The following SEMA7A variants were observed in gnomAD, a reference collection of about 807,000 sequenced individuals.
SEMA7A encodes semaphorin 7A (JohnMiltonHagen blood group), also known as semaphorin-7A.
In SEMA7A, 21 loss-of-function variants were observed where a neutral mutation model predicts 67.5. The observed-to-expected ratio is 0.31, with a 90% CI of 0.22 to 0.45. The LOEUF (loss-of-function observed/expected upper bound fraction) is 0.45. Ranked by LOEUF, SEMA7A falls within the 20% of genes least tolerant of loss-of-function variation. The pLI, the probability that SEMA7A is intolerant of heterozygous loss-of-function variation, is 1.00. For missense variants in SEMA7A, 774 were observed against 908.6 expected (o/e 0.85, Z 1.90); for synonymous variants, 364 against 368.5 (o/e 0.99, Z 0.14).
Position 74,414,210 on chromosome 15 carries a change from C to G in SEMA7A, c.1294+337G>C, listed in dbSNP as rs2060925827. Among the ~76,000 whole-genome samples, 1 of 152,318 alleles carries G rather than the reference C, an allele frequency of 6.6e-6. No homozygotes were observed. Among genetic ancestry groups the G allele is most frequent in the South Asian group, 2.1e-4 (1 of 4,830 alleles). Reference sequence around the variant, plus strand: ...AGTATCCCTGTGGTTCAGGCCCCTCCTCCTCATTTGCCACGTCTCTTCCTA... The same window carrying G: ...AGTATCCCTGTGGTTCAGGCCCCTCGTCCTCATTTGCCACGTCTCTTCCTA... On this transcript the variant is annotated intron_variant, in intron 10 of 13. Coordinates refer to ENST00000261918, the MANE Select transcript of SEMA7A (RefSeq NM_003612.5). This position sits in a 1 kb window ranked among gnomAD's most constrained non-coding sequence, Gnocchi z 4.1.
chr15:74,417,618 C>T lies in SEMA7A; in HGVS notation c.523G>A (p.Asp175Asn). ...TCAAACAGAACCAGGGAGTTCTCGTCCGGGCTGAAGGGGGCGTAGCCTCTC... is the reference window on the plus strand; with the variant it reads ...TCAAACAGAACCAGGGAGTTCTCGTTCGGGCTGAAGGGGGCGTAGCCTCTC... ...EMRGYAPFSP[D>N]ENSLVLFEGD... The change falls in exon 5 of 14, where the codon GAC (aspartate) becomes AAC (asparagine). Residue 175 changes from aspartate (D) to asparagine (N), a missense_variant. Coordinates refer to ENST00000261918, the MANE Select transcript of SEMA7A (RefSeq NM_003612.5). 6.2e-7 allele frequency: 1 copy of T among 1,612,914 alleles called. No individual in the cohort carries two copies. Among genetic ancestry groups the T allele is most frequent in the Non-Finnish European group, 8.5e-7 (1 of 1,179,936 alleles).
chr15:74,418,995 G>C lies in SEMA7A; in HGVS notation c.179-43C>G, dbSNP rs371090563. The C allele has an allele frequency of 1.6e-5, 25 of 1,595,992 alleles. No homozygotes were observed. In the African/African-American group the frequency reaches 3.2e-4, roughly 21 times the overall value. On this transcript the variant is annotated intron_variant, in intron 1 of 13. Coordinates refer to ENST00000261918, the MANE Select transcript of SEMA7A (RefSeq NM_003612.5). ...AGTAGAAACATTGAAGCCAGGTCCC[G>C]AGAGAGAAGACTCTGGGTCCCCTCC...
intron 3 of SEMA7A, 45 bp downstream of exon 3, chr15:74,418,223 T>C: frequency 6.3e-7 from 1 of 1,591,150 alleles, no homozygotes. Context: ...CTCCTCTCCC[T>C]TTACCAAGTG....
intron 1 of SEMA7A, among the ~76,000 whole-genome samples, chr15:74,426,051 T>C (rs2061041252): frequency 6.6e-6 from 1 of 152,174 alleles, no homozygotes; most frequent in Admixed American, 6.5e-5. Context: ...GGTGGGCAGA[T>C]CATTTGAGGT....
At chr15:74,418,760 T>C in intron 2 of SEMA7A, 41 bp downstream of exon 2, 2 of 1,598,778 alleles carry the variant, frequency 1.3e-6, no homozygotes, top group Admixed American at 1.7e-5. Flanking sequence ...AGAGGGGAGA[T>C]AAGAGGGTAG....
rs908699776 is a variant in SEMA7A at position 74,414,257 on chromosome 15, A to C, written c.1294+290T>G. 1.3e-5 allele frequency among the ~76,000 whole-genome samples: 2 copies of C among 152,124 alleles called. No individual in the cohort carries two copies. The highest frequency in any genetic ancestry group is 4.8e-5 in the African/African-American group (2 of 41,410). ...CCTACCATCTTCTTCCCTGAGTCAGACATCTGGACCAAAGGTGCACCTGGC... is the reference window on the plus strand; with the variant it reads ...CCTACCATCTTCTTCCCTGAGTCAGCCATCTGGACCAAAGGTGCACCTGGC... On this transcript the variant is annotated intron_variant, in intron 10 of 13. Transcript: ENST00000261918. The surrounding 1 kb of genome is among the most constrained non-coding windows in gnomAD (Gnocchi z 4.1).
chr15:74,430,910 G>A (rs904435045), intron 1 of SEMA7A, among the ~76,000 whole-genome samples: 4 of 152,172 alleles, frequency 2.6e-5, no homozygotes, highest in African/African-American at 4.8e-5. Flanking sequence ...ATAACATCCC[G>A]TTGTTTCACT....
chr15:74,420,861 C>G (rs545224495), intron 1 of SEMA7A, among the ~76,000 whole-genome samples: 3 of 152,196 alleles, frequency 2.0e-5, no homozygotes, highest in Non-Finnish European at 4.4e-5. Flanking sequence ...GGAAAAGGTG[C>G]GTGTCTGCAT....
In SEMA7A at chr15:74,417,615, C is replaced by A; in HGVS notation, c.526G>T (p.Glu176Ter). Residue 176 changes from glutamate to a stop codon, truncating the protein, a stop_gained, in exon 5 of 14, where the codon GAG becomes TAG. Coordinates refer to ENST00000261918, the MANE Select transcript of SEMA7A (RefSeq NM_003612.5). LOFTEE classifies it high-confidence loss of function. Reference protein sequence around the residue: ...MRGYAPFSPDENSLVLFEGDE... With the variant: ...MRGYAPFSPD ...CCTTCAAACAGAACCAGGGAGTTCT[C>A]GTCCGGGCTGAAGGGGGCGTAGCCT... is the stretch of plus-strand genomic sequence containing the variant. 2 of 1,612,872 alleles carry A rather than the reference C, an allele frequency of 1.2e-6. No individual in the cohort carries two copies. The highest frequency in any genetic ancestry group is 1.7e-6 in the Non-Finnish European group (2 of 1,179,906).
Position 74,414,623 on chromosome 15 carries a change from GTATT to G in SEMA7A, c.1214_1217del (p.Lys405ThrfsTer24). ...GGTGGACGGCCACTTTCTGGTAGTG[GTATT>G]TAGAGTGGAACAATGGCGTCTTCAG... On this transcript the variant is annotated frameshift_variant, in exon 10 of 14. Coordinates refer to ENST00000261918, the MANE Select transcript of SEMA7A (RefSeq NM_003612.5). LOFTEE classifies it high-confidence loss of function. The surrounding 1 kb of genome is among the most constrained non-coding windows in gnomAD (Gnocchi z 4.1). 1 of 1,614,198 alleles carries G rather than the reference GTATT, an allele frequency of 6.2e-7. No homozygotes were observed. The highest frequency in any genetic ancestry group is 8.5e-7 in the Non-Finnish European group (1 of 1,180,044).
chr15:74,433,836 G>T lies in SEMA7A; in HGVS notation c.83C>A (p.Pro28Gln). The T allele has an allele frequency of 7.4e-7, 1 of 1,352,194 alleles. No homozygotes were observed. Among genetic ancestry groups the T allele is most frequent in the Non-Finnish European group, 9.5e-7 (1 of 1,057,490 alleles). 83.8% of individuals were successfully genotyped at this position (1,352,194 alleles called of 1,614,324 possible). Reference sequence around the variant, plus strand: ...CAGCAGCAGCAGCCGCAGCCGCAGCGGAAGCCCCAACCGAGCCGGCGGGCC... The same window carrying T: ...CAGCAGCAGCAGCCGCAGCCGCAGCTGAAGCCCCAACCGAGCCGGCGGGCC... The part of the protein sequence containing the change: ...VPGPPARLGL[P>Q]LRLRLLLLLW... The change falls in exon 1 of 14, where the codon CCG (proline) becomes CAG (glutamine). Residue 28 changes from proline to glutamine, a missense_variant. Pro to Gln is a moderately conservative substitution (Grantham distance 76, BLOSUM62 -1). Around this residue, in one of 2 missense-constraint regions of SEMA7A, gnomAD observed 347 missense variants for 353.2 expected, o/e 0.98. Coordinates refer to ENST00000261918, the MANE Select transcript of SEMA7A (RefSeq NM_003612.5).
chr15:74,412,643 C>G (rs1225407518), intron 10 of SEMA7A, among the ~76,000 whole-genome samples: 2 of 151,958 alleles, frequency 1.3e-5, no homozygotes, highest in Non-Finnish European at 2.9e-5. Flanking sequence ...TTCTCCAGTT[C>G]CCCCTAATGT....
intron 1 of SEMA7A, among the ~76,000 whole-genome samples, chr15:74,422,688 G>A (rs2061010340): frequency 6.6e-6 from 1 of 152,178 alleles, no homozygotes; most frequent in Non-Finnish European, 1.5e-5. Context: ...GTGCTCACAG[G>A]GCTCTGATCC....
At chr15:74,426,947 C>A (rs1406892205) in intron 1 of SEMA7A, among the ~76,000 whole-genome samples, 1 of 152,154 alleles carries the variant, frequency 6.6e-6, no homozygotes, top group Non-Finnish European at 1.5e-5. Flanking sequence ...AACCTCAGGG[C>A]AGGGCAGTCA....
chr15:74,425,409 G>A (rs2061036018), intron 1 of SEMA7A, among the ~76,000 whole-genome samples: 1 of 152,156 alleles, frequency 6.6e-6, no homozygotes, highest in African/African-American at 2.4e-5. Context: ...GTGGAGCAGA[G>A]GTTCATACTC....
intron 1 of SEMA7A, chr15:74,433,513 T>C (rs1469309762): frequency 8.5e-7 from 1 of 1,176,418 alleles, no homozygotes; most frequent in Admixed American, 4.5e-5. Flanking sequence ...TAGCCGGGGC[T>C]CCGGCCCCCG....
Position 74,433,759 on chromosome 15 carries a change from T to C in SEMA7A, c.160A>G (p.Ile54Val). ...AQGHLRSGPR[I>V]FAVWKGHVGQ... ...CGCCTACCTTTCCAGACGGCGAAGA[T>C]GCGGGGTCCGCTCCTTAGGTGGCCC... The change falls in exon 1 of 14, where the codon ATC (isoleucine) becomes GTC (valine). Residue 54 changes from isoleucine to valine, a missense_variant. Ile to Val is a conservative substitution (Grantham distance 29). Around this residue, in one of 2 missense-constraint regions of SEMA7A, gnomAD observed 347 missense variants for 353.2 expected, o/e 0.98. Coordinates refer to ENST00000261918, the MANE Select transcript of SEMA7A (RefSeq NM_003612.5). The C allele has an allele frequency of 6.9e-7, 1 of 1,445,288 alleles. No individual in the cohort carries two copies. Among genetic ancestry groups the C allele is most frequent in the South Asian group, 1.4e-5 (1 of 73,870 alleles). The allele number at this position is 1,445,288 out of a possible 1,614,324, so 89.5% of individuals were successfully genotyped here.
intron 1 of SEMA7A, among the ~76,000 whole-genome samples, chr15:74,422,721 C>T (rs552338026): frequency 6.6e-6 from 1 of 152,346 alleles, no homozygotes; most frequent in South Asian, 2.1e-4. Flanking sequence ...TGGGGCCTGA[C>T]TCCTTAGGGA....
intron 1 of SEMA7A, among the ~76,000 whole-genome samples, chr15:74,431,831 C>T (rs1000929489): frequency 6.6e-6 from 1 of 152,036 alleles, no homozygotes; most frequent in African/African-American, 2.4e-5. Context: ...AAGGAGACCA[C>T]AGACTGTCGT....
Sources: allele counts gnomAD v4.1 joint callset (sites outside exome capture counted in the v4.1 genomes callset), GRCh38; gene constraint gnomAD v4.1.1; regional missense constraint gnomAD v4.1.1; non-coding constraint Gnocchi (gnomAD v3.1); transcripts MANE v1.5; gene names NCBI Gene and HGNC (gene_info 2026-07-23, HGNC 2026-07-21).